ING2: variants seen among roughly 807,000 people sequenced by gnomAD.
ING2 encodes the protein inhibitor of growth family member 2, also known as inhibitor of growth protein 2.
In ING2, 7 loss-of-function variants were observed where a neutral mutation model predicts 30.6. That is an observed-to-expected ratio of 0.23 (90% CI 0.13 to 0.43). The LOEUF (loss-of-function observed/expected upper bound fraction) is 0.43, where lower values mean the gene tolerates loss of function less well. Ranked by LOEUF, ING2 falls within the 20% of genes least tolerant of loss-of-function variation. The pLI, the probability that ING2 is intolerant of heterozygous loss-of-function variation, is 1.00. For missense variants in ING2, 239 were observed against 334.9 expected (o/e 0.71, Z 2.24); for synonymous variants, 136 against 121.7 (o/e 1.12, Z -0.78).
At position 183,511,063 on chromosome 4, in the gene ING2, G is replaced by A; in HGVS notation, c.*111G>A. On this transcript the variant is annotated 3_prime_UTR_variant, in exon 2 of 2. Transcript: ENST00000302327. ...ACTATGCAATAATTTTTAATCATTA[G>A]TATTAATGGTGTATTAAAAGTTGTT... is the stretch of plus-strand genomic sequence containing the variant. 1 of 830,554 alleles carries A rather than the reference G, an allele frequency of 1.2e-6. No individual in the cohort carries two copies. The highest frequency in any genetic ancestry group is 1.8e-6 in the Non-Finnish European group (1 of 549,012). 51.4% of individuals were successfully genotyped at this position (830,554 alleles called of 1,614,324 possible).
chr4:183,508,452 G>A (rs893901463), intron 1 of ING2, among the ~76,000 whole-genome samples: 7 of 151,852 alleles, frequency 4.6e-5, no homozygotes, highest in Non-Finnish European at 1.0e-4. Context: ...CTTAGATGCC[G>A]AGCTAAGCAA....
Position 183,512,022 on chromosome 4 carries a change from T to C in ING2, c.*1070T>C, listed in dbSNP as rs1389761633. Among the ~76,000 whole-genome samples the C allele has an allele frequency of 6.6e-6, 1 of 152,234 alleles. No homozygotes were observed. The highest frequency in any genetic ancestry group is 2.4e-5 in the African/African-American group (1 of 41,462). On this transcript the variant is annotated 3_prime_UTR_variant, in exon 2 of 2. Coordinates refer to ENST00000302327, the MANE Select transcript of ING2 (RefSeq NM_001564.4). ...TATTTCATCATCATAATGCAATTAA[T>C]GTATTTGTAAATTGAATTTTCCAAG...
At chr4:183,505,843 C>T (rs917471957) in intron 1 of ING2, among the ~76,000 whole-genome samples, 1 of 151,872 alleles carries the variant, frequency 6.6e-6, no homozygotes, top group Admixed American at 6.5e-5. Flanking sequence ...GGCGAGAGGC[C>T]GCGGAGGCGG....
Position 183,511,275 on chromosome 4 carries a change from A to G in ING2, c.*323A>G, listed in dbSNP as rs1015444581. Among the ~76,000 whole-genome samples, 7 of 152,210 alleles carry G rather than the reference A, an allele frequency of 4.6e-5. No homozygotes were observed. Among genetic ancestry groups the G allele is most frequent in the African/African-American group, 1.4e-4 (6 of 41,444 alleles). On this transcript the variant is annotated 3_prime_UTR_variant, in exon 2 of 2. Coordinates refer to ENST00000302327, the MANE Select transcript of ING2 (RefSeq NM_001564.4). Reference sequence around the variant, plus strand: ...GCAATGTTATTTTTTGGGTAAACACAAAAGTTTCACTAGCATTTTAGTTAT... The same window carrying G: ...GCAATGTTATTTTTTGGGTAAACACGAAAGTTTCACTAGCATTTTAGTTAT...
chr4:183,509,936 A>G (rs1734781417), intron 1 of ING2, among the ~76,000 whole-genome samples: 2 of 148,190 alleles, frequency 1.3e-5, no homozygotes, highest in Admixed American at 1.4e-4. Context: ...GGGTTTCACT[A>G]TCTTGGCCAG....
rs185757138 is a variant in ING2 at position 183,507,418 on chromosome 4, A to C, written c.172+2051A>C. 1.1e-4 allele frequency among the ~76,000 whole-genome samples: 16 copies of C among 152,296 alleles called. 1 individual carries two copies. Among genetic ancestry groups the C allele is most frequent in the Admixed American group, 6.5e-4 (10 of 15,298 alleles). On this transcript the variant is annotated intron_variant, in intron 1 of 1. Transcript: ENST00000302327. Reference sequence around the variant, plus strand: ...GCCCAGCAAGCTTGCAGGTTTTTACATTTCTTTGAAGGCACATGTTTCCTT... The same window carrying C: ...GCCCAGCAAGCTTGCAGGTTTTTACCTTTCTTTGAAGGCACATGTTTCCTT...
chr4:183,509,670 C>T (rs1734767710), intron 1 of ING2, among the ~76,000 whole-genome samples: 1 of 150,608 alleles, frequency 6.6e-6, no homozygotes, highest in Non-Finnish European at 1.5e-5. Flanking sequence ...CTCCTGACCT[C>T]GTGATCCACC....
At chr4:183,509,586 C>T (rs1394220819) in intron 1 of ING2, among the ~76,000 whole-genome samples, 2 of 151,318 alleles carry the variant, frequency 1.3e-5, no homozygotes, top group Non-Finnish European at 3.0e-5. Context: ...GCTGGGACTA[C>T]AGGCGCCCGC....
Position 183,505,312 on chromosome 4 carries a change from C to T in ING2, c.117C>T (p.Pro39=), listed in dbSNP as rs11545693. The T allele has an allele frequency of 1.3e-6, 2 of 1,556,712 alleles. No individual in the cohort carries two copies. Among genetic ancestry groups the T allele is most frequent in the Non-Finnish European group, 1.7e-6 (2 of 1,151,764 alleles). The part of the protein sequence containing the change: ...QDYLECVESL[P]HDMQRNVSVL... ...ACCTTGAGTGCGTGGAGTCGCTGCC[C>T]CACGACATGCAGAGGAACGTGTCTG... The change falls in exon 1 of 2, where the codon CCC becomes CCT. Residue 39 remains proline (P), a synonymous_variant. Transcript: ENST00000302327.
chr4:183,505,777 C>CACCT (rs1002748219), intron 1 of ING2, among the ~76,000 whole-genome samples: 30 of 152,142 alleles, frequency 2.0e-4, no homozygotes, highest in African/African-American at 7.2e-4. Flanking sequence ...CGCGCTTCCC[C>CACCT]ACCTCACTCG....
At chr4:183,509,819 C>G (rs112442594) in intron 1 of ING2, among the ~76,000 whole-genome samples, 7,456 of 150,542 alleles carry the variant, frequency 0.05, 267 homozygotes, top group Non-Finnish European at 0.074. Context: ...CGGCAACCTC[C>G]GCCTTCCGGG....
At chr4:183,506,354 G>C in intron 1 of ING2, 1 of 1,273,310 alleles carries the variant, frequency 7.9e-7, no homozygotes, top group South Asian at 1.2e-5. Flanking sequence ...CCGGGCTTCA[G>C]GAGGAAGTGG....
At chr4:183,506,384 G>T in intron 1 of ING2, 1 of 1,094,940 alleles carries the variant, frequency 9.1e-7, no homozygotes, top group Non-Finnish European at 1.3e-6. Context: ...CTGGGCAACC[G>T]CCTGGCGTCC....
chr4:183,506,088 G>A (rs1481453366), intron 1 of ING2: 2 of 1,188,262 alleles, frequency 1.7e-6, no homozygotes, highest in Non-Finnish European at 2.1e-6. Flanking sequence ...GGGCGTGGGA[G>A]GGGCGCGGCG....
In ING2 at chr4:183,510,862, G is replaced by A. The variant is rs765221269; in HGVS notation, c.753G>A (p.Gly251=). 1 of 1,614,072 alleles carries A rather than the reference G, an allele frequency of 6.2e-7. No homozygotes were observed. The highest frequency in any genetic ancestry group is 8.5e-7 in the Non-Finnish European group (1 of 1,180,026). The change falls in exon 2 of 2, where the codon GGG becomes GGA. Residue 251 remains glycine, a synonymous_variant. Coordinates refer to ENST00000302327, the MANE Select transcript of ING2 (RefSeq NM_001564.4). ...TTTCACTTACCTATAAACCAAAGGG[G>A]AAATGGTATTGCCCAAAGTGCAGGG... ...SCVSLTYKPK[G]KWYCPKCRGD...
At chr4:183,506,160 G>A (rs929183331) in intron 1 of ING2, 5 of 1,273,588 alleles carry the variant, frequency 3.9e-6, no homozygotes, top group Non-Finnish European at 5.2e-6. Context: ...GCTGGCTGCT[G>A]GGGAGGGAGT....
rs776496166 is a variant in ING2, at chr4:183,510,293, G to A, written c.184G>A (p.Glu62Lys). 1 of 1,577,176 alleles carries A rather than the reference G, an allele frequency of 6.3e-7. No homozygotes were observed. Among genetic ancestry groups the A allele is most frequent in the Non-Finnish European group, 8.6e-7 (1 of 1,165,400 alleles). ...LDNKYQETLK[E>K]IDDVYEKYKK... ...TTTCCTTTTTTTAGAAACGTTAAAG[G>A]AAATTGATGATGTCTACGAAAAATA... The change falls in exon 2 of 2, where the codon GAA (glutamate) becomes AAA (lysine). Residue 62 changes from glutamate to lysine, a missense_variant. Physicochemically the swap from Glu to Lys is moderately conservative, Grantham distance 56. Coordinates refer to ENST00000302327, the MANE Select transcript of ING2 (RefSeq NM_001564.4).
chr4:183,511,041 A>G lies in ING2; in HGVS notation c.*89A>G, dbSNP rs942406285. ...TGTTTTAGGGTAAATGCATAAGACTATGCAATAATTTTTAATCATTAGTAT... is the reference window on the plus strand; with the variant it reads ...TGTTTTAGGGTAAATGCATAAGACTGTGCAATAATTTTTAATCATTAGTAT... On this transcript the variant is annotated 3_prime_UTR_variant, in exon 2 of 2. Transcript: ENST00000302327. 2.0e-6 allele frequency: 2 copies of G among 1,016,554 alleles called. No individual in the cohort carries two copies. Among genetic ancestry groups the G allele is most frequent in the African/African-American group, 3.3e-5 (2 of 61,208 alleles). The allele number at this position is 1,016,554 out of a possible 1,614,324, so 63.0% of individuals were successfully genotyped here.
At chr4:183,508,603 G>A (rs1734738278) in intron 1 of ING2, among the ~76,000 whole-genome samples, 3 of 152,298 alleles carry the variant, frequency 2.0e-5, no homozygotes, top group East Asian at 1.9e-4. Flanking sequence ...GGGAGAAGCT[G>A]ATTAATGAGT....
Sources: allele counts gnomAD v4.1 joint callset (sites outside exome capture counted in the v4.1 genomes callset), GRCh38; gene constraint gnomAD v4.1.1; transcripts MANE v1.5; gene names NCBI Gene and HGNC (gene_info 2026-07-23, HGNC 2026-07-21).